HNF4A: variants seen among roughly 807,000 people sequenced by gnomAD.
HNF4A encodes the protein hepatocyte nuclear factor 4 alpha, also known as hepatocyte nuclear factor 4-alpha.
HNF4A carries 15 observed loss-of-function variants against 52.4 expected under a neutral mutation model. The observed-to-expected ratio is 0.29, with a 90% CI of 0.19 to 0.44. HNF4A has a LOEUF of 0.44. HNF4A is among the 20% of genes least tolerant of loss of function. The pLI, the probability that HNF4A is intolerant of heterozygous loss-of-function variation, is 1.00. For synonymous variants in HNF4A, 280 were observed against 264.4 expected (o/e 1.06, Z -0.57); for missense variants, 479 against 647.2 (o/e 0.74, Z 2.82).
chr20:44,427,279 T>C (rs369195986), intron 8 of HNF4A, among the ~76,000 whole-genome samples: 1 of 152,208 alleles, frequency 6.6e-6, no homozygotes, highest in East Asian at 1.9e-4. Context: ...TCAGGTGTCA[T>C]TGAGATCAGG....
chr20:44,373,652 G>A (rs539404180), intron 1 of HNF4A, among the ~76,000 whole-genome samples: 1 of 151,908 alleles, frequency 6.6e-6, no homozygotes, highest in Non-Finnish European at 1.5e-5. Flanking sequence ...GCTGGGAAAA[G>A]GTAAGAGATC....
At chr20:44,381,260 C>A (rs961575427) in intron 1 of HNF4A, among the ~76,000 whole-genome samples, 3 of 149,034 alleles carry the variant, frequency 2.0e-5, no homozygotes, top group African/African-American at 4.9e-5. Context: ...TTCTCTGAAG[C>A]TGTAGGAATC....
At chr20:44,415,961 C>A (rs2063658050) in intron 5 of HNF4A, among the ~76,000 whole-genome samples, 1 of 152,120 alleles carries the variant, frequency 6.6e-6, no homozygotes. Context: ...AATGTTTAAT[C>A]CCTCCTGTTC....
intron 1 of HNF4A, among the ~76,000 whole-genome samples, chr20:44,364,238 C>T (rs935972732): frequency 3.3e-5 from 5 of 152,054 alleles, no homozygotes; most frequent in East Asian, 1.9e-4. Context: ...ACAGGGGTCT[C>T]GCTATGTTGC....
exon 1 of HNF4A, chr20:44,355,750 T>G (rs1447338683): frequency 4.5e-6 from 7 of 1,557,414 alleles, no homozygotes; most frequent in Non-Finnish European, 5.3e-6. Flanking sequence ...GCTGCTGCTG[T>G]GAGCGGGCCC....
chr20:44,417,404 A>G (rs1402773718), intron 5 of HNF4A, among the ~76,000 whole-genome samples: 1 of 152,138 alleles, frequency 6.6e-6, no homozygotes, highest in Admixed American at 6.6e-5. Flanking sequence ...CCTGCAGAGA[A>G]TGGTTTCATC....
chr20:44,387,656 G>GC (rs1491127103), intron 1 of HNF4A, among the ~76,000 whole-genome samples: 1 of 29,248 alleles, frequency 3.4e-5, no homozygotes, highest in Non-Finnish European at 6.9e-5. Flanking sequence ...GGAGGCAGGC[G>GC]GGGGGGGGGG....
intron 3 of HNF4A, among the ~76,000 whole-genome samples, chr20:44,411,333 G>A (rs534370540): frequency 4.3e-4 from 65 of 152,338 alleles, no homozygotes; most frequent in Non-Finnish European, 7.5e-4. Context: ...TTAGGTCCCC[G>A]ACCCTGCTAA....
chr20:44,355,842 A>G, exon 1 of HNF4A: 1 of 1,612,910 alleles, frequency 6.2e-7, no homozygotes, highest in African/African-American at 1.3e-5. Flanking sequence ...GCTCCAGTGG[A>G]GAGTTCTTAC....
rs1432340614 is a variant in HNF4A, at chr20:44,431,575, G to T, written c.*1910G>T. 1 of 152,268 alleles carries T rather than the reference G, an allele frequency of 6.6e-6. No homozygotes were observed. Among genetic ancestry groups the T allele is most frequent in the African/African-American group, 2.4e-5 (1 of 41,402 alleles). 9.4% of individuals were successfully genotyped at this position (152,268 alleles called of 1,614,324 possible). A position where few individuals can be genotyped will look rare whatever the true frequency, so the allele number is the denominator to read the frequency against. The stretch of plus-strand genomic sequence containing the variant: ...GGCTGCTCCGGAGACCGTCACTCCA[G>T]GTGCATTCTGGAAGCATTAGACCCC... On this transcript the variant is annotated 3_prime_UTR_variant, in exon 10 of 10. Transcript: ENST00000316099.
intron 1 of HNF4A, among the ~76,000 whole-genome samples, chr20:44,363,612 C>T (rs576047649): frequency 6.6e-6 from 1 of 151,920 alleles, no homozygotes; most frequent in South Asian, 2.1e-4. Context: ...CAGACCTATC[C>T]TCATCAGAGA....
intron 1 of HNF4A, among the ~76,000 whole-genome samples, chr20:44,367,527 G>A (rs983751953): frequency 2.0e-5 from 3 of 150,156 alleles, no homozygotes; most frequent in African/African-American, 7.4e-5. Flanking sequence ...TGTAGTCCCA[G>A]CTACTCAGGA....
intron 1 of HNF4A, among the ~76,000 whole-genome samples, chr20:44,366,490 A>G (rs6073416): frequency 0.45 from 68,521 of 151,834 alleles, 15,827 homozygotes; most frequent in Middle Eastern, 0.5. Context: ...GCATGGTGGC[A>G]CGCACCTGTA....
At chr20:44,396,721 G>T (rs982963641), upstream of HNF4A, among the ~76,000 whole-genome samples, 7 of 152,142 alleles carry the variant, frequency 4.6e-5, no homozygotes, top group African/African-American at 1.2e-4. Context: ...TGCTACTATT[G>T]TACTGTATGC....
At chr20:44,377,080 T>C (rs2063093426) in intron 1 of HNF4A, among the ~76,000 whole-genome samples, 1 of 152,090 alleles carries the variant, frequency 6.6e-6, no homozygotes, top group South Asian at 2.1e-4. Context: ...TAAAATGCTG[T>C]GTATCCATGA....
upstream of HNF4A, among the ~76,000 whole-genome samples, chr20:44,399,683 C>T (rs1287303388): frequency 1.3e-5 from 2 of 152,312 alleles, no homozygotes; most frequent in Admixed American, 1.3e-4. Flanking sequence ...CTCATTAATT[C>T]ACCCACCCAT....
At chr20:44,397,621 A>T (rs2146327752), upstream of HNF4A, among the ~76,000 whole-genome samples, 1 of 152,168 alleles carries the variant, frequency 6.6e-6, no homozygotes, top group South Asian at 2.1e-4. Context: ...CATCCCCTGA[A>T]GAAAACATTC....
chr20:44,418,520 G>T lies in HNF4A; in HGVS notation c.736+8G>T. The T allele has an allele frequency of 6.2e-7, 1 of 1,607,346 alleles. No homozygotes were observed. On this transcript the variant is annotated splice_region_variant and intron_variant, in intron 6 of 9. Transcript: ENST00000316099. The stretch of plus-strand genomic sequence containing the variant: ...AGGACGTGCTGCTCCTAGGTGAGGC[G>T]GCTGCCTGCCCTGGCCAGGGCTCCA...
intron 8 of HNF4A, among the ~76,000 whole-genome samples, chr20:44,427,113 G>T (rs2063823166): frequency 6.6e-6 from 1 of 152,230 alleles, no homozygotes; most frequent in African/African-American, 2.4e-5. Flanking sequence ...CCCATAAGGT[G>T]CCAGTAGCAC....
Sources: allele counts gnomAD v4.1 joint callset (sites outside exome capture counted in the v4.1 genomes callset), GRCh38; gene constraint gnomAD v4.1.1; transcripts MANE v1.5; gene names NCBI Gene and HGNC (gene_info 2026-07-23, HGNC 2026-07-21).